Variants in MAGI1 observed in about 807,000 individuals in gnomAD.
MAGI1 encodes membrane associated guanylate kinase, WW and PDZ domain containing 1.
A neutral mutation model predicts 139.9 loss-of-function variants in MAGI1; 58 were observed. That is an observed-to-expected ratio of 0.41 (90% CI 0.34 to 0.52). The LOEUF is 0.52. MAGI1 is among the 20% of genes least tolerant of loss of function. The probability of loss-of-function intolerance (pLI) is 0.12; values close to 1 mark genes in which losing one functional copy is unlikely to be tolerated. For synonymous variants in MAGI1, 812 were observed against 737.9 expected (o/e 1.10, Z -1.63); for missense variants, 1,874 against 1,901.6 (o/e 0.99, Z 0.27).
intron 1 of MAGI1, among the ~76,000 whole-genome samples, chr3:66,014,570 A>G (rs1280188659): frequency 6.6e-6 from 1 of 152,240 alleles, no homozygotes; most frequent in East Asian, 1.9e-4. Context: ...TGCTATATAG[A>G]GAACACAGCC....
At chr3:66,027,256 A>G (rs2068325830) in intron 1 of MAGI1, among the ~76,000 whole-genome samples, 1 of 148,566 alleles carries the variant, frequency 6.7e-6, no homozygotes, top group Non-Finnish European at 1.5e-5. Flanking sequence ...TGACAATGAG[A>G]CTCCGTCTCA....
At chr3:65,723,915 T>A (rs565531078) in intron 1 of MAGI1, among the ~76,000 whole-genome samples, 8 of 152,178 alleles carry the variant, frequency 5.3e-5, no homozygotes, top group Non-Finnish European at 1.0e-4. Flanking sequence ...GAAATTAGCA[T>A]GTTTGGGGAT....
chr3:65,554,128 G>A (rs921202354), intron 2 of MAGI1, among the ~76,000 whole-genome samples: 1 of 152,004 alleles, frequency 6.6e-6, no homozygotes, highest in Admixed American at 6.5e-5. Flanking sequence ...CATAAAAAGG[G>A]TAAGTTTTGT....
rs76920554 is a variant in MAGI1, at chr3:65,941,719, C to T, written c.313+96277G>A. ...CTTCTCTCATAAATGAAGAAAATAA[C>T]ATCCTCAGAAATAAGAACTGTTTCC... On this transcript the variant is annotated intron_variant, in intron 1 of 22. Coordinates refer to ENST00000402939, the MANE Select transcript of MAGI1 (RefSeq NM_001033057.2). Among the ~76,000 whole-genome samples, 22 of 148,810 alleles carry T rather than the reference C, an allele frequency of 1.5e-4. No homozygotes were observed. In the East Asian group the frequency reaches 4.5e-3, roughly 30 times the overall value.
At chr3:65,422,712 G>A (rs984851408) in intron 12 of MAGI1, among the ~76,000 whole-genome samples, 7 of 152,062 alleles carry the variant, frequency 4.6e-5, no homozygotes, top group African/African-American at 1.7e-4. Context: ...GATCGTGGGA[G>A]ATGCTGCTTG....
At chr3:65,599,577 A>G (rs189665463) in intron 2 of MAGI1, among the ~76,000 whole-genome samples, 2 of 152,316 alleles carry the variant, frequency 1.3e-5, no homozygotes, top group Admixed American at 1.3e-4. Flanking sequence ...CTGGTGTACA[A>G]AATGGAACAA....
At chr3:65,959,875 G>A (rs562765063) in intron 1 of MAGI1, among the ~76,000 whole-genome samples, 3 of 127,432 alleles carry the variant, frequency 2.4e-5, no homozygotes, top group Non-Finnish European at 3.1e-5. Context: ...GCGCAAACTC[G>A]GCTCACTGCA....
intron 2 of MAGI1, among the ~76,000 whole-genome samples, chr3:65,573,876 AAC>A (rs1186100029): frequency 1.3e-5 from 2 of 152,130 alleles, no homozygotes; most frequent in African/African-American, 4.8e-5. Context: ...GTTTCATAAG[AAC>A]ACAGTCACAC....
At chr3:65,947,335 C>T (rs2063586605) in intron 1 of MAGI1, among the ~76,000 whole-genome samples, 1 of 152,040 alleles carries the variant, frequency 6.6e-6, no homozygotes, top group Non-Finnish European at 1.5e-5. Context: ...CCCCAAACAG[C>T]ATATGTAAGG....
chr3:65,963,567 G>C (rs2064575238), intron 1 of MAGI1, among the ~76,000 whole-genome samples: 1 of 152,178 alleles, frequency 6.6e-6, no homozygotes, highest in Non-Finnish European at 1.5e-5. Flanking sequence ...AGTGAGCCAA[G>C]ATCGCGCCAC....
chr3:65,988,376 A>G (rs2065992008), intron 1 of MAGI1, among the ~76,000 whole-genome samples: 2 of 152,110 alleles, frequency 1.3e-5, no homozygotes, highest in Admixed American at 1.3e-4. Context: ...TGCAGACAAT[A>G]CCCCTAAGTA....
chr3:65,926,616 T>G (rs1310029311), intron 1 of MAGI1, among the ~76,000 whole-genome samples: 3 of 151,878 alleles, frequency 2.0e-5, no homozygotes, highest in African/African-American at 7.3e-5. Context: ...GTGATGAGAG[T>G]GACCTCTGGT....
At chr3:65,819,701 A>G (rs2041825404) in intron 1 of MAGI1, among the ~76,000 whole-genome samples, 1 of 151,586 alleles carries the variant, frequency 6.6e-6, no homozygotes, top group Non-Finnish European at 1.5e-5. Flanking sequence ...ACATAGTGAA[A>G]CCTAGTCTTT....
At chr3:65,661,169 T>C (rs2086169937) in intron 1 of MAGI1, among the ~76,000 whole-genome samples, 1 of 152,150 alleles carries the variant, frequency 6.6e-6, no homozygotes, top group South Asian at 2.1e-4. Flanking sequence ...AGATTAATTG[T>C]GAGTATATGT....
intron 2 of MAGI1, among the ~76,000 whole-genome samples, chr3:65,534,593 T>C (rs965971449): frequency 5.3e-5 from 8 of 152,152 alleles, no homozygotes; most frequent in African/African-American, 1.9e-4. Context: ...AACCATTCCA[T>C]GCCACAGTTC....
At chr3:65,618,173 T>C (rs1164391353) in intron 2 of MAGI1, among the ~76,000 whole-genome samples, 1 of 152,104 alleles carries the variant, frequency 6.6e-6, no homozygotes, top group Non-Finnish European at 1.5e-5. Context: ...AAAGTGTGTT[T>C]GGAATATGAA....
chr3:65,660,404 T>C (rs1317079539), intron 1 of MAGI1, among the ~76,000 whole-genome samples: 1 of 152,260 alleles, frequency 6.6e-6, no homozygotes, highest in Non-Finnish European at 1.5e-5. Flanking sequence ...CAAGATGTTC[T>C]GTGAAACTTG....
rs527741439 is a variant in MAGI1 at position 65,846,983 on chromosome 3, A to C, written c.313+191013T>G. Among the ~76,000 whole-genome samples, 210 of 147,482 alleles carry C rather than the reference A, an allele frequency of 1.4e-3. 1 individual carries two copies. The highest frequency in any genetic ancestry group is 2.1e-3 in the Non-Finnish European group (140 of 66,916). On this transcript the variant is annotated intron_variant, in intron 1 of 22. Coordinates refer to ENST00000402939, the MANE Select transcript of MAGI1 (RefSeq NM_001033057.2). ...AAGAATAGCAATGTCTTACAAAAAA[A>C]AAAAAAAAAAAAACCCTAAGCACAT...
chr3:65,672,576 G>A (rs1043108085), intron 1 of MAGI1, among the ~76,000 whole-genome samples: 1 of 152,156 alleles, frequency 6.6e-6, no homozygotes, highest in African/African-American at 2.4e-5. Context: ...CATTGAAGAG[G>A]GGGAAAAACA....
Sources: allele counts gnomAD v4.1 joint callset (sites outside exome capture counted in the v4.1 genomes callset), GRCh38; gene constraint gnomAD v4.1.1; transcripts MANE v1.5; gene names NCBI Gene and HGNC (gene_info 2026-07-23, HGNC 2026-07-21).